RBFOX1: variants seen among roughly 807,000 people sequenced by gnomAD.
RBFOX1 encodes the protein RNA binding fox-1 homolog 1, also known as RNA binding protein fox-1 homolog 1.
Under a neutral mutation model 57.7 loss-of-function variants are expected in RBFOX1, and 8 were observed. The observed-to-expected ratio is 0.14, with a 90% confidence interval of 0.08 to 0.25. The LOEUF is 0.25. Among genes scored for constraint, RBFOX1 ranks in the 10% least tolerant of loss-of-function variants. The pLI is 1.00. For missense variants in RBFOX1, 611 were observed against 548.5 expected (o/e 1.11, Z -1.14); for synonymous variants, 326 against 222.4 (o/e 1.47, Z -4.15).
At chr16:5,378,128 C>A (rs1057105901) in intron 1 of RBFOX1, among the ~76,000 whole-genome samples, 27 of 151,534 alleles carry the variant, frequency 1.8e-4, no homozygotes, top group Admixed American at 1.6e-3. Flanking sequence ...AATAAGTAGA[C>A]AGAGATATGG....
chr16:5,573,181 G>A (rs2046343413), intron 2 of RBFOX1, among the ~76,000 whole-genome samples: 2 of 152,146 alleles, frequency 1.3e-5, no homozygotes. Flanking sequence ...TTGGAGGTTT[G>A]GAGGAAGACT....
At chr16:7,375,537 G>C (rs2097670241) in intron 4 of RBFOX1, among the ~76,000 whole-genome samples, 1 of 148,476 alleles carries the variant, frequency 6.7e-6, no homozygotes. Flanking sequence ...CAGATGTTTT[G>C]GGTGTTCCCA....
chr16:5,544,195 A>G (rs937756250), intron 2 of RBFOX1, among the ~76,000 whole-genome samples: 23 of 152,204 alleles, frequency 1.5e-4, no homozygotes, highest in African/African-American at 5.3e-4. Context: ...ACCAGTCTCA[A>G]TAATTTCAGA....
intron 4 of RBFOX1, among the ~76,000 whole-genome samples, chr16:7,313,056 C>G (rs900960016): frequency 2.6e-5 from 4 of 152,096 alleles, no homozygotes; most frequent in Non-Finnish European, 5.9e-5. Flanking sequence ...CACTGCTGCT[C>G]TTCCTTCTGA....
intron 4 of RBFOX1, among the ~76,000 whole-genome samples, chr16:7,114,711 T>G (rs2065507386): frequency 6.6e-6 from 1 of 152,228 alleles, no homozygotes; most frequent in Admixed American, 6.5e-5. Flanking sequence ...CTGTTTTCCT[T>G]TCTACGCTCA....
intron 1 of RBFOX1, among the ~76,000 whole-genome samples, chr16:5,416,611 A>G (rs1031786989): frequency 6.6e-6 from 1 of 151,660 alleles, no homozygotes; most frequent in African/African-American, 2.4e-5. Context: ...ATCTCACTGC[A>G]TTTTCTTCTG....
intron 1 of RBFOX1, among the ~76,000 whole-genome samples, chr16:6,199,047 G>A (rs189254494): frequency 2.0e-5 from 3 of 151,802 alleles, no homozygotes; most frequent in African/African-American, 4.8e-5. Context: ...AATAGGTCAC[G>A]TGTTTTCTCT....
chr16:7,219,515 G>C (rs983133624), intron 4 of RBFOX1, among the ~76,000 whole-genome samples: 3 of 152,188 alleles, frequency 2.0e-5, no homozygotes, highest in South Asian at 2.1e-4. Flanking sequence ...GTGTGTTTAA[G>C]GGTGTAATGT....
chr16:6,410,488 T>C (rs2093424995), intron 2 of RBFOX1, among the ~76,000 whole-genome samples: 1 of 151,870 alleles, frequency 6.6e-6, no homozygotes, highest in Non-Finnish European at 1.5e-5. Context: ...ATTTTTTGTA[T>C]TTTTAGTAGA....
intron 11 of RBFOX1, among the ~76,000 whole-genome samples, chr16:7,653,372 C>T (rs183368453): frequency 6.6e-6 from 1 of 152,044 alleles, no homozygotes; most frequent in Non-Finnish European, 1.5e-5. Context: ...TGTGGTAGCA[C>T]ACTTCTATCT....
At chr16:5,568,265 C>G (rs2151124638) in intron 2 of RBFOX1, among the ~76,000 whole-genome samples, 1 of 152,288 alleles carries the variant, frequency 6.6e-6, no homozygotes, top group African/African-American at 2.4e-5. Flanking sequence ...GTGGCACAGT[C>G]CCACCTCCTT....
At chr16:7,229,167 G>C (rs2093333231) in intron 4 of RBFOX1, among the ~76,000 whole-genome samples, 1 of 152,232 alleles carries the variant, frequency 6.6e-6, no homozygotes, top group Non-Finnish European at 1.5e-5. Context: ...AAAATCCGCA[G>C]ATATTTCTTT....
chr16:6,666,292 G>T (rs2154104291), intron 3 of RBFOX1, among the ~76,000 whole-genome samples: 1 of 152,258 alleles, frequency 6.6e-6, no homozygotes, highest in Admixed American at 6.5e-5. Context: ...CCAGCACTTT[G>T]GGAGGCTTAG....
intron 2 of RBFOX1, among the ~76,000 whole-genome samples, chr16:6,643,701 A>T (rs890230397): frequency 6.6e-6 from 1 of 152,128 alleles, no homozygotes; most frequent in Admixed American, 6.6e-5. Flanking sequence ...GCTTTTAATC[A>T]TCGGAGTGGT....
At chr16:5,438,638 G>T (rs1223709664) in intron 1 of RBFOX1, among the ~76,000 whole-genome samples, 3 of 152,146 alleles carry the variant, frequency 2.0e-5, no homozygotes, top group African/African-American at 7.2e-5. Context: ...CTGGCCCATG[G>T]AAGTATACGA....
chr16:7,678,433 A>G (rs2073939172), intron 14 of RBFOX1, among the ~76,000 whole-genome samples: 1 of 152,180 alleles, frequency 6.6e-6, no homozygotes, highest in African/African-American at 2.4e-5. Flanking sequence ...ACAAAGTATC[A>G]ATTGTAATGT....
At chr16:5,486,641 G>T (rs142413731) in intron 2 of RBFOX1, among the ~76,000 whole-genome samples, 1 of 152,244 alleles carries the variant, frequency 6.6e-6, no homozygotes, top group African/African-American at 2.4e-5. Flanking sequence ...CCATTAGCTT[G>T]ACTTGTCCAT....
At chr16:5,487,329 C>G (rs974444479) in intron 2 of RBFOX1, among the ~76,000 whole-genome samples, 3 of 152,124 alleles carry the variant, frequency 2.0e-5, no homozygotes, top group African/African-American at 7.2e-5. Flanking sequence ...GGAGCAGATG[C>G]CTTCTTCTTT....
chr16:7,057,264 G>A (rs2052627135), intron 4 of RBFOX1, among the ~76,000 whole-genome samples: 1 of 152,142 alleles, frequency 6.6e-6, no homozygotes, highest in Admixed American at 6.5e-5. Context: ...AGTTAAGGTT[G>A]TTTGGAATGC....
Sources: gnomAD v4.1 joint callset for allele counts (sites outside exome capture counted in the v4.1 genomes callset) on GRCh38, gnomAD v4.1.1 for gene constraint, MANE v1.5 for transcripts, NCBI Gene and HGNC (gene_info 2026-07-23, HGNC 2026-07-21) for gene names.